Variants in EPB41L4A observed in about 807,000 individuals in gnomAD.
The protein encoded by EPB41L4A is band 4.1-like protein 4A.
Under a neutral mutation model 108.6 loss-of-function variants are expected in EPB41L4A, and 100 were observed. That is an observed-to-expected ratio of 0.92 (90% CI 0.78 to 1.09). The LOEUF (loss-of-function observed/expected upper bound fraction) is 1.09. EPB41L4A is among the 50% of genes least tolerant of loss of function. EPB41L4A has a pLI of 0.00. For missense variants in EPB41L4A, 1,030 were observed against 842.7 expected (o/e 1.22, Z -2.75); for synonymous variants, 319 against 289.0 (o/e 1.10, Z -1.05).
chr5:112,319,290 T>C, intron 1 of EPB41L4A, among the ~76,000 whole-genome samples: 1 of 152,156 alleles, frequency 6.6e-6, no homozygotes, highest in East Asian at 1.9e-4. Context: ...TAGTGTCAGA[T>C]TACAACCCCT....
intron 1 of EPB41L4A, among the ~76,000 whole-genome samples, chr5:112,312,092 A>T (rs766063278): frequency 6.6e-6 from 1 of 152,208 alleles, no homozygotes; most frequent in Non-Finnish European, 1.5e-5. Flanking sequence ...GTCCAGCAGA[A>T]ATGTTAGGGT....
intron 1 of EPB41L4A, among the ~76,000 whole-genome samples, chr5:112,315,697 AC>A (rs1198564444): frequency 5.3e-5 from 8 of 152,292 alleles, no homozygotes; most frequent in African/African-American, 1.9e-4. Context: ...AATGGCTAAA[AC>A]ACCAAAAACT....
At chr5:112,262,729 T>A (rs1751582364) in intron 6 of EPB41L4A, 148 bp from the exon 7 acceptor site, 1 of 656,640 alleles carries the variant, frequency 1.5e-6, no homozygotes, top group African/African-American at 1.8e-5. Flanking sequence ...AGAAGGCCTT[T>A]GCTTCTTGGT....
At chr5:112,158,463 G>C, downstream of EPB41L4A, 1 of 416,964 alleles carries the variant, frequency 2.4e-6, no homozygotes, top group African/African-American at 2.1e-5. Flanking sequence ...AAATATCAGA[G>C]GTAGATATAA....
intron 18 of EPB41L4A, among the ~76,000 whole-genome samples, chr5:112,174,093 T>C (rs1760742378): frequency 6.6e-6 from 1 of 152,194 alleles, no homozygotes; most frequent in South Asian, 2.1e-4. Flanking sequence ...ACGTGGCCAA[T>C]AGTTTCAAAC....
At chr5:112,275,151 C>G in intron 4 of EPB41L4A, 175 bp downstream of exon 4, 1 of 721,770 alleles carries the variant, frequency 1.4e-6, no homozygotes. Flanking sequence ...CATCTATCAT[C>G]AGACACTGAT....
intron 13 of EPB41L4A, among the ~76,000 whole-genome samples, chr5:112,208,656 C>T (rs903456265): frequency 3.3e-5 from 5 of 152,132 alleles, no homozygotes; most frequent in Non-Finnish European, 7.4e-5. Flanking sequence ...ATGCATACAC[C>T]AAACCTCAGT....
intron 1 of EPB41L4A, among the ~76,000 whole-genome samples, chr5:112,331,953 G>A (rs1756598915): frequency 6.6e-6 from 1 of 152,210 alleles, no homozygotes; most frequent in Non-Finnish European, 1.5e-5. Flanking sequence ...AGAACAGCCA[G>A]GGGTTAGAAT....
intron 1 of EPB41L4A, among the ~76,000 whole-genome samples, chr5:112,388,165 G>T (rs530348504): frequency 6.6e-6 from 1 of 152,098 alleles, no homozygotes; most frequent in South Asian, 2.1e-4. Context: ...ACAGTATCTG[G>T]TTACAGCCAG....
chr5:112,301,135 A>G (rs1211654660), intron 2 of EPB41L4A, among the ~76,000 whole-genome samples: 1 of 151,496 alleles, frequency 6.6e-6, no homozygotes, highest in Non-Finnish European at 1.5e-5. Flanking sequence ...AATCTTCTAA[A>G]TGCTTTTTCA....
At chr5:112,391,395 G>A (rs1201875193) in intron 1 of EPB41L4A, among the ~76,000 whole-genome samples, 4 of 135,226 alleles carry the variant, frequency 3.0e-5, no homozygotes, top group Admixed American at 2.7e-4. Flanking sequence ...TGACCTGATG[G>A]AGCTGAAAAG....
At chr5:112,388,360 C>A (rs173889) in intron 1 of EPB41L4A, among the ~76,000 whole-genome samples, 3 of 152,134 alleles carry the variant, frequency 2.0e-5, no homozygotes, top group South Asian at 4.1e-4. Context: ...ATCGGCAGAC[C>A]TACCCACCTG....
intron 12 of EPB41L4A, among the ~76,000 whole-genome samples, chr5:112,156,711 T>C (rs1351765487): frequency 2.0e-5 from 3 of 152,198 alleles, no homozygotes; most frequent in Non-Finnish European, 2.9e-5. Flanking sequence ...CATTTTCATA[T>C]AGATGTCAAC....
intron 12 of EPB41L4A, among the ~76,000 whole-genome samples, chr5:112,154,355 A>C (rs1759577270): frequency 6.6e-6 from 1 of 152,210 alleles, no homozygotes; most frequent in Non-Finnish European, 1.5e-5. Flanking sequence ...ACTACTTATA[A>C]ATGTATTTTT....
intron 1 of EPB41L4A, among the ~76,000 whole-genome samples, chr5:112,410,242 T>C (rs534567128): frequency 3.5e-4 from 53 of 152,002 alleles, no homozygotes; most frequent in Non-Finnish European, 6.2e-4. Flanking sequence ...TATGAGGAGA[T>C]GGTGGGAGAA....
chr5:112,200,087 T>A lies in EPB41L4A; in HGVS notation c.1376+4288A>T, dbSNP rs56347490. Among the ~76,000 whole-genome samples, 207 of 152,374 alleles carry A rather than the reference T, an allele frequency of 1.4e-3. 2 individuals carry two copies. Among genetic ancestry groups the A allele is most frequent in the African/African-American group, 4.7e-3 (195 of 41,586 alleles). On this transcript the variant is annotated intron_variant, in intron 15 of 22. Coordinates refer to ENST00000261486, the MANE Select transcript of EPB41L4A (RefSeq NM_022140.5). ...AGATCAGATCCCATCTTTCTCTCTA[T>A]GCTCATTTCTAACACATTTTTATTC...
chr5:112,336,538 C>T (rs7714258), intron 1 of EPB41L4A, among the ~76,000 whole-genome samples: 34,984 of 152,140 alleles, frequency 0.23, 5,666 homozygotes, highest in African/African-American at 0.46. Context: ...TAGAGCTGTT[C>T]GCCAAATACT....
chr5:112,323,387 A>G (rs1483939403), intron 1 of EPB41L4A, among the ~76,000 whole-genome samples: 1 of 152,236 alleles, frequency 6.6e-6, no homozygotes, highest in Non-Finnish European at 1.5e-5. Context: ...CACACATCTT[A>G]CTATCTATAC....
intron 17 of EPB41L4A, among the ~76,000 whole-genome samples, chr5:112,193,081 C>CT (rs1761784832): frequency 6.6e-6 from 1 of 152,182 alleles, no homozygotes; most frequent in East Asian, 1.9e-4. Flanking sequence ...ACATTGAGAT[C>CT]TCCCATCTGT....
Sources: allele counts gnomAD v4.1 joint callset (sites outside exome capture counted in the v4.1 genomes callset), GRCh38; gene constraint gnomAD v4.1.1; transcripts MANE v1.5; gene names NCBI Gene and HGNC (gene_info 2026-07-23, HGNC 2026-07-21).